RBMS3: variants seen among roughly 807,000 people sequenced by gnomAD.
The protein encoded by RBMS3 is RNA-binding motif, single-stranded-interacting protein 3.
RBMS3 carries 27 observed loss-of-function variants against 66.8 expected under a neutral mutation model. That is an observed-to-expected ratio of 0.40 (90% CI 0.30 to 0.56). RBMS3 has a LOEUF of 0.56. Ranked by LOEUF, RBMS3 falls within the 20% of genes least tolerant of loss-of-function variation. The pLI is 0.40. For synonymous variants in RBMS3, 188 were observed against 183.0 expected, an observed-to-expected ratio of 1.03 and a Z score of -0.22; for missense variants, 513 against 549.5, an observed-to-expected ratio of 0.93 and a Z score of 0.66.
intron 1 of RBMS3, among the ~76,000 whole-genome samples, chr3:29,403,760 T>C (rs1009727734): frequency 6.6e-6 from 1 of 152,122 alleles, no homozygotes; most frequent in African/African-American, 2.4e-5. Flanking sequence ...ATTAAAGATT[T>C]CTATTAATAA....
At chr3:29,722,988 T>G (rs1432232052) in intron 4 of RBMS3, among the ~76,000 whole-genome samples, 1 of 152,056 alleles carries the variant, frequency 6.6e-6, no homozygotes, top group Non-Finnish European at 1.5e-5. Context: ...TCTTTTTTGT[T>G]TTTTGAGATG....
chr3:29,843,760 G>A (rs889247383), intron 6 of RBMS3, among the ~76,000 whole-genome samples: 3 of 151,924 alleles, frequency 2.0e-5, no homozygotes, highest in African/African-American at 7.3e-5. Flanking sequence ...ACCAGCCTGG[G>A]CAACATAGCA....
chr3:29,728,514 A>G (rs999085341), intron 4 of RBMS3, among the ~76,000 whole-genome samples: 1 of 152,152 alleles, frequency 6.6e-6, no homozygotes, highest in African/African-American at 2.4e-5. Context: ...CTGTTTCTCT[A>G]CCAAAGTCAC....
chr3:29,750,242 C>A (rs574789601), intron 5 of RBMS3, among the ~76,000 whole-genome samples: 1 of 152,168 alleles, frequency 6.6e-6, no homozygotes, highest in African/African-American at 2.4e-5. Context: ...TATCAGAAAT[C>A]TTTATTCAAG....
chr3:29,568,817 G>A (rs888820712), intron 3 of RBMS3, among the ~76,000 whole-genome samples: 1 of 152,176 alleles, frequency 6.6e-6, no homozygotes, highest in Admixed American at 6.6e-5. Context: ...TTGGCAAAGA[G>A]ATTGTAGGAA....
chr3:29,347,425 G>A, intron 1 of RBMS3, among the ~76,000 whole-genome samples: 1 of 152,074 alleles, frequency 6.6e-6, no homozygotes, highest in African/African-American at 2.4e-5. Flanking sequence ...AAGGTCTAGG[G>A]GTTTGTTTAT....
At chr3:29,285,762 A>T (rs901200824) in intron 1 of RBMS3, among the ~76,000 whole-genome samples, 1 of 152,158 alleles carries the variant, frequency 6.6e-6, no homozygotes, top group Non-Finnish European at 1.5e-5. Flanking sequence ...AGTCTAGCTG[A>T]AGCACAATTG....
chr3:29,593,920 C>T (rs955847445), intron 4 of RBMS3, among the ~76,000 whole-genome samples: 2 of 152,070 alleles, frequency 1.3e-5, no homozygotes, highest in Non-Finnish European at 2.9e-5. Flanking sequence ...AAACCAGTTA[C>T]AGTTACAAAA....
intron 1 of RBMS3, among the ~76,000 whole-genome samples, chr3:29,370,071 G>A (rs2038119247): frequency 6.6e-6 from 1 of 152,164 alleles, no homozygotes; most frequent in Non-Finnish European, 1.5e-5. Flanking sequence ...AGGGATGATG[G>A]ACAGCCCGGC....
intron 6 of RBMS3, among the ~76,000 whole-genome samples, chr3:29,846,442 G>A (rs894685835): frequency 2.0e-5 from 3 of 152,010 alleles, no homozygotes; most frequent in Admixed American, 1.3e-4. Context: ...GCTCTTTATG[G>A]GATATCAAGA....
At chr3:29,870,527 C>T (rs1277944500) in intron 7 of RBMS3, among the ~76,000 whole-genome samples, 1 of 152,122 alleles carries the variant, frequency 6.6e-6, no homozygotes, top group Non-Finnish European at 1.5e-5. Flanking sequence ...GACACTTCCT[C>T]TCACTGTACA....
intron 6 of RBMS3, among the ~76,000 whole-genome samples, chr3:29,847,362 G>A (rs1489368194): frequency 6.6e-6 from 1 of 152,124 alleles, no homozygotes; most frequent in Non-Finnish European, 1.5e-5. Flanking sequence ...GTGCTTACTA[G>A]TTATGACTTT....
At chr3:29,479,902 C>G (rs1256545390) in intron 2 of RBMS3, among the ~76,000 whole-genome samples, 2 of 152,168 alleles carry the variant, frequency 1.3e-5, no homozygotes, top group Non-Finnish European at 2.9e-5. Context: ...AAGCAGATGT[C>G]ACATCAGTTG....
intron 4 of RBMS3, among the ~76,000 whole-genome samples, chr3:29,644,576 G>T (rs539922447): frequency 6.6e-6 from 1 of 152,208 alleles, no homozygotes; most frequent in African/African-American, 2.4e-5. Context: ...TTCATTCTAG[G>T]TTTAGATCTC....
chr3:29,577,972 A>C (rs1034469815), intron 3 of RBMS3, among the ~76,000 whole-genome samples: 17 of 152,302 alleles, frequency 1.1e-4, no homozygotes, highest in African/African-American at 4.1e-4. Flanking sequence ...CAAACTATGT[A>C]GGTTTCTATT....
chr3:29,820,151 T>A (rs2058034710), intron 6 of RBMS3, among the ~76,000 whole-genome samples: 1 of 113,874 alleles, frequency 8.8e-6, no homozygotes, highest in Non-Finnish European at 1.7e-5. Flanking sequence ...ATCGAGACAC[T>A]GCACTGCAGC....
At chr3:29,701,133 C>T (rs894923271) in intron 4 of RBMS3, among the ~76,000 whole-genome samples, 6 of 151,902 alleles carry the variant, frequency 3.9e-5, no homozygotes, top group Admixed American at 1.3e-4. Context: ...AAAAATTAGC[C>T]GGACGTGGTG....
At chr3:29,311,450 TA>T in intron 1 of RBMS3, among the ~76,000 whole-genome samples, 1 of 151,844 alleles carries the variant, frequency 6.6e-6, no homozygotes, top group African/African-American at 2.4e-5. Context: ...GGTTGAAGAA[TA>T]AACACTTGAT....
chr3:29,528,794 C>T (rs989841986), intron 3 of RBMS3, among the ~76,000 whole-genome samples: 7 of 152,288 alleles, frequency 4.6e-5, no homozygotes, highest in African/African-American at 1.4e-4. Context: ...AGTGCAATGG[C>T]GTGATCTCGG....
Sources: allele counts gnomAD v4.1 joint callset (sites outside exome capture counted in the v4.1 genomes callset), GRCh38; gene constraint gnomAD v4.1.1; transcripts MANE v1.5; gene names NCBI Gene and HGNC (gene_info 2026-07-23, HGNC 2026-07-21).